Variants in PDE8A observed in about 807,000 individuals in gnomAD.
PDE8A encodes the protein high affinity cAMP-specific and IBMX-insensitive 3',5'-cyclic phosphodiesterase 8A.
A neutral mutation model predicts 105.0 loss-of-function variants in PDE8A; 59 were observed. The observed-to-expected ratio is 0.56, with a 90% CI of 0.46 to 0.70. The LOEUF (loss-of-function observed/expected upper bound fraction) is 0.70, where lower values mean the gene tolerates loss of function less well. PDE8A is among the 30% of genes least tolerant of loss of function. The probability of loss-of-function intolerance (pLI) is 0.00; values close to 1 mark genes in which losing one functional copy is unlikely to be tolerated. For missense variants in PDE8A, 1,014 were observed against 1,045.9 expected, an observed-to-expected ratio of 0.97 and a Z score of 0.42; for synonymous variants, 355 against 371.9, an observed-to-expected ratio of 0.95 and a Z score of 0.52.
At chr15:85,098,888 T>G (rs541604976) in intron 9 of PDE8A, among the ~76,000 whole-genome samples, 1 of 151,612 alleles carries the variant, frequency 6.6e-6, no homozygotes, top group East Asian at 1.9e-4. Flanking sequence ...TCTTGGGAGG[T>G]CGAGGCTGCA....
chr15:85,037,696 G>T (rs189296548), intron 1 of PDE8A, among the ~76,000 whole-genome samples: 12 of 152,236 alleles, frequency 7.9e-5, no homozygotes, highest in Admixed American at 2.6e-4. Context: ...GCCTTTTTGG[G>T]ACTGGTGTGG....
chr15:85,001,749 C>G (rs2080071192), intron 1 of PDE8A, among the ~76,000 whole-genome samples: 1 of 152,204 alleles, frequency 6.6e-6, no homozygotes, highest in African/African-American at 2.4e-5. Context: ...GGCACAAACA[C>G]ACTTTCTATG....
At chr15:85,118,993 G>T (rs1330739702) in intron 17 of PDE8A, among the ~76,000 whole-genome samples, 1 of 152,096 alleles carries the variant, frequency 6.6e-6, no homozygotes, top group Non-Finnish European at 1.5e-5. Flanking sequence ...AATCAAATCA[G>T]ACTGTAGGTA....
intron 1 of PDE8A, among the ~76,000 whole-genome samples, chr15:85,032,128 T>C (rs2080625950): frequency 1.3e-5 from 2 of 152,226 alleles, no homozygotes; most frequent in Admixed American, 1.3e-4. Flanking sequence ...GTTCAGTGTT[T>C]GTATAGCTCT....
chr15:85,136,386 T>C (rs1449458305), intron 20 of PDE8A, 148 bp from the exon 21 acceptor site: 19 of 728,430 alleles, frequency 2.6e-5, no homozygotes, highest in African/African-American at 3.5e-5. Context: ...TTATGAGACA[T>C]GGTTTGGCTG....
intron 1 of PDE8A, among the ~76,000 whole-genome samples, chr15:84,991,483 G>A (rs1197777640): frequency 2.0e-5 from 3 of 152,198 alleles, no homozygotes; most frequent in African/African-American, 7.2e-5. Context: ...AGTATTTTGA[G>A]GAACTGCTCA....
intron 1 of PDE8A, among the ~76,000 whole-genome samples, chr15:85,005,502 A>G (rs1205994525): frequency 6.6e-6 from 1 of 152,202 alleles, no homozygotes; most frequent in African/African-American, 2.4e-5. Context: ...TTGATTTTAT[A>G]GCACCTCCGT....
At chr15:85,113,135 T>C (rs993946334) in intron 12 of PDE8A, among the ~76,000 whole-genome samples, 4 of 152,200 alleles carry the variant, frequency 2.6e-5, no homozygotes, top group Admixed American at 2.6e-4. Context: ...CTCTGTTTTC[T>C]CTCTGGCCTG....
chr15:84,994,150 A>G (rs2079937457), intron 1 of PDE8A, among the ~76,000 whole-genome samples: 1 of 151,904 alleles, frequency 6.6e-6, no homozygotes, highest in African/African-American at 2.4e-5. Flanking sequence ...CTCAAGGTCT[A>G]CTCAGCTCTT....
chr15:85,009,940 A>G (rs1317892635), intron 1 of PDE8A, among the ~76,000 whole-genome samples: 1 of 152,266 alleles, frequency 6.6e-6, no homozygotes, highest in Non-Finnish European at 1.5e-5. Context: ...CTTTATAGCA[A>G]TGGAAATGAA....
intron 1 of PDE8A, among the ~76,000 whole-genome samples, chr15:85,038,823 A>C (rs1284476408): frequency 6.6e-6 from 1 of 152,218 alleles, no homozygotes; most frequent in East Asian, 1.9e-4. Context: ...GGCTGTTATC[A>C]AAAAGGTGAA....
At chr15:85,062,248 G>A (rs989449873) in intron 1 of PDE8A, among the ~76,000 whole-genome samples, 1 of 147,716 alleles carries the variant, frequency 6.8e-6, no homozygotes, top group East Asian at 1.9e-4. Flanking sequence ...AGGATTTGCT[G>A]TTATTGTTTT....
At chr15:84,982,777 CG>C (rs2079738737) in intron 1 of PDE8A, among the ~76,000 whole-genome samples, 1 of 152,192 alleles carries the variant, frequency 6.6e-6, no homozygotes, top group Admixed American at 6.5e-5. Flanking sequence ...AAGGGAAGGG[CG>C]ACTGGCCTCA....
In PDE8A at chr15:85,043,714, T is replaced by C. The variant is rs2141401962; in HGVS notation, c.187-20656T>C. On this transcript the variant is annotated intron_variant, in intron 1 of 21. Coordinates refer to ENST00000394553, the MANE Select transcript of PDE8A (RefSeq NM_002605.3). Reference sequence around the variant, plus strand: ...TTTGTTTGTTTGTTTGTTTGTTTTTTTGAGGCAGGGTCTTACTCTGTCGCC... The same window carrying C: ...TTTGTTTGTTTGTTTGTTTGTTTTTCTGAGGCAGGGTCTTACTCTGTCGCC... 2.0e-5 allele frequency among the ~76,000 whole-genome samples: 3 copies of C among 151,850 alleles called. No homozygotes were observed. In the South Asian group the frequency reaches 6.2e-4, roughly 32 times the overall value.
intron 7 of PDE8A, among the ~76,000 whole-genome samples, chr15:85,090,063 C>G (rs2081616386): frequency 6.6e-6 from 1 of 152,214 alleles, no homozygotes; most frequent in South Asian, 2.1e-4. Flanking sequence ...CAGTCTTTCA[C>G]TTTAATATGA....
At chr15:85,037,813 C>A (rs556643930) in intron 1 of PDE8A, among the ~76,000 whole-genome samples, 1 of 152,244 alleles carries the variant, frequency 6.6e-6, no homozygotes, top group African/African-American at 2.4e-5. Flanking sequence ...ACAAAAAGAT[C>A]ATTTCTCAAT....
At chr15:85,105,595 C>A (rs1347163486) in intron 11 of PDE8A, among the ~76,000 whole-genome samples, 1 of 152,078 alleles carries the variant, frequency 6.6e-6, no homozygotes, top group African/African-American at 2.4e-5. Flanking sequence ...CCTGGATTTA[C>A]CCAGCAGGTC....
chr15:85,056,652 A>G (rs1298249333), intron 1 of PDE8A, among the ~76,000 whole-genome samples: 1 of 152,182 alleles, frequency 6.6e-6, no homozygotes, highest in African/African-American at 2.4e-5. Context: ...CATGGTTTTC[A>G]GCTCCATCAG....
At chr15:85,044,273 G>A (rs2080854646) in intron 1 of PDE8A, among the ~76,000 whole-genome samples, 1 of 152,118 alleles carries the variant, frequency 6.6e-6, no homozygotes, top group Non-Finnish European at 1.5e-5. Context: ...ACTAGAATTT[G>A]CAATCAGTCA....
Sources: gnomAD v4.1 joint callset for allele counts (sites outside exome capture counted in the v4.1 genomes callset) on GRCh38, gnomAD v4.1.1 for gene constraint, MANE v1.5 for transcripts, NCBI Gene and HGNC (gene_info 2026-07-23, HGNC 2026-07-21) for gene names.